Variants in NRG3 observed in about 807,000 individuals in gnomAD.
NRG3 encodes neuregulin 3.
A neutral mutation model predicts 66.9 loss-of-function variants in NRG3; 31 were observed. The ratio of observed to expected loss-of-function variants is 0.46; its 90% confidence interval spans 0.35 to 0.63. The LOEUF (loss-of-function observed/expected upper bound fraction) is 0.63, where lower values mean the gene tolerates loss of function less well. NRG3 is among the 20% of genes least tolerant of loss of function. NRG3 has a pLI of 0.00. For missense variants in NRG3, 910 were observed against 878.9 expected (o/e 1.04, Z -0.45); for synonymous variants, 393 against 359.4 (o/e 1.09, Z -1.06).
chr10:82,307,727 A>G (rs187540483), intron 1 of NRG3, among the ~76,000 whole-genome samples: 1 of 151,224 alleles, frequency 6.6e-6, no homozygotes, highest in Non-Finnish European at 1.5e-5. Context: ...AGGTTTTGCC[A>G]TGGGCCATTT....
intron 2 of NRG3, among the ~76,000 whole-genome samples, chr10:82,580,179 A>G (rs1023396032): frequency 2.0e-5 from 3 of 151,972 alleles, no homozygotes; most frequent in Non-Finnish European, 4.4e-5. Context: ...GAATCCACTT[A>G]TATAAAATCT....
chr10:81,985,528 A>C lies in NRG3; in HGVS notation c.823+109365A>C, dbSNP rs189955539. On this transcript the variant is annotated intron_variant, in intron 1 of 8. Transcript: ENST00000372141. ...CTAACACATCCCAGCAATTCTTAAA[A>C]ATGTCTCTCCTTATTGTAAGAACTC... Among the ~76,000 whole-genome samples the C allele has an allele frequency of 2.2e-3, 333 of 152,342 alleles. 1 individual carries two copies. The highest frequency in any genetic ancestry group is 0.01 in the Middle Eastern group (3 of 294).
chr10:82,339,466 A>G (rs561531523), intron 1 of NRG3, among the ~76,000 whole-genome samples: 3 of 152,062 alleles, frequency 2.0e-5, no homozygotes, highest in Non-Finnish European at 4.4e-5. Context: ...AAACCATCAG[A>G]TCTTGTGAGA....
intron 2 of NRG3, among the ~76,000 whole-genome samples, chr10:82,610,998 T>C (rs2048279353): frequency 6.6e-6 from 1 of 152,078 alleles, no homozygotes. Flanking sequence ...AAAATATAAA[T>C]ATTTTAATGA....
chr10:82,056,045 T>C (rs1031672626), intron 1 of NRG3, among the ~76,000 whole-genome samples: 1 of 152,216 alleles, frequency 6.6e-6, no homozygotes, highest in Non-Finnish European at 1.5e-5. Flanking sequence ...TTGAGGCTAA[T>C]GGTCATGTGT....
At chr10:82,667,496 G>T (rs745808968) in intron 2 of NRG3, among the ~76,000 whole-genome samples, 1 of 152,086 alleles carries the variant, frequency 6.6e-6, no homozygotes, top group Non-Finnish European at 1.5e-5. Flanking sequence ...TCTTTAGTGC[G>T]GTGCTCAAAA....
At chr10:82,326,254 T>C (rs1398734945) in intron 1 of NRG3, among the ~76,000 whole-genome samples, 1 of 152,192 alleles carries the variant, frequency 6.6e-6, no homozygotes, top group African/African-American at 2.4e-5. Context: ...TTTATAAGAA[T>C]TCTACTGTTA....
At chr10:82,447,847 G>T (rs1198489197) in intron 2 of NRG3, among the ~76,000 whole-genome samples, 1 of 152,194 alleles carries the variant, frequency 6.6e-6, no homozygotes, top group African/African-American at 2.4e-5. Context: ...AAGGCCTTCT[G>T]CTGTGTAAAA....
intron 1 of NRG3, among the ~76,000 whole-genome samples, chr10:82,114,374 A>G (rs1169462439): frequency 1.3e-5 from 2 of 152,168 alleles, no homozygotes; most frequent in Admixed American, 6.6e-5. Context: ...ACCCCGGAGG[A>G]AAGTCTCTTG....
At chr10:82,800,786 A>G (rs1001932977) in intron 3 of NRG3, among the ~76,000 whole-genome samples, 2 of 152,214 alleles carry the variant, frequency 1.3e-5, no homozygotes, top group Non-Finnish European at 2.9e-5. Flanking sequence ...AAATGTGACT[A>G]GGAGTCTCCC....
chr10:82,704,024 G>T (rs2056100130), intron 2 of NRG3, among the ~76,000 whole-genome samples: 1 of 151,886 alleles, frequency 6.6e-6, no homozygotes, highest in Non-Finnish European at 1.5e-5. Context: ...TACCCACAAA[G>T]AATCCTTTAT....
chr10:82,044,929 G>C (rs929304193), intron 1 of NRG3, among the ~76,000 whole-genome samples: 2 of 151,798 alleles, frequency 1.3e-5, no homozygotes. Context: ...ATATTCCATG[G>C]TGTACATGTG....
chr10:82,440,217 T>C (rs1317849151), intron 2 of NRG3, among the ~76,000 whole-genome samples: 2 of 151,986 alleles, frequency 1.3e-5, no homozygotes, highest in Non-Finnish European at 1.5e-5. Context: ...TTGTATTATT[T>C]TCATTACCAA....
chr10:82,690,883 A>G (rs1032484007), intron 2 of NRG3, among the ~76,000 whole-genome samples: 15 of 152,090 alleles, frequency 9.9e-5, no homozygotes, highest in African/African-American at 3.6e-4. Flanking sequence ...TCATATCCCT[A>G]TTAAAATCTC....
chr10:82,062,328 G>A (rs567951783), intron 1 of NRG3, among the ~76,000 whole-genome samples: 6 of 152,220 alleles, frequency 3.9e-5, no homozygotes, highest in South Asian at 4.1e-4. Flanking sequence ...AAGGCAGGCC[G>A]GGCATGGTGG....
At chr10:82,736,228 A>C (rs1292704372) in intron 2 of NRG3, among the ~76,000 whole-genome samples, 2 of 152,228 alleles carry the variant, frequency 1.3e-5, no homozygotes, top group Admixed American at 1.3e-4. Flanking sequence ...AGTTCTGCCA[A>C]CTTCAATCTA....
intron 1 of NRG3, among the ~76,000 whole-genome samples, chr10:81,938,291 C>T (rs1438161646): frequency 6.6e-6 from 1 of 151,610 alleles, no homozygotes; most frequent in Non-Finnish European, 1.5e-5. Flanking sequence ...AAAGGGATTT[C>T]AATGAATCAG....
At chr10:82,417,554 C>T (rs2088672067) in intron 2 of NRG3, among the ~76,000 whole-genome samples, 1 of 152,132 alleles carries the variant, frequency 6.6e-6, no homozygotes. Flanking sequence ...TCTTACATGC[C>T]AGAAGTTCTT....
intron 1 of NRG3, among the ~76,000 whole-genome samples, chr10:82,278,604 G>A (rs778307996): frequency 6.6e-6 from 1 of 152,102 alleles, no homozygotes; most frequent in Admixed American, 6.6e-5. Context: ...GTTTTTGCTG[G>A]TTTGTTTAAC....
Sources: gnomAD v4.1 joint callset for allele counts (sites outside exome capture counted in the v4.1 genomes callset) on GRCh38, gnomAD v4.1.1 for gene constraint, MANE v1.5 for transcripts, NCBI Gene and HGNC (gene_info 2026-07-23, HGNC 2026-07-21) for gene names.